MED15: variants seen among roughly 807,000 people sequenced by gnomAD.
MED15 encodes mediator of RNA polymerase II transcription subunit 15.
MED15 carries 41 observed loss-of-function variants against 118.7 expected under a neutral mutation model. The ratio of observed to expected loss-of-function variants is 0.35; its 90% confidence interval spans 0.27 to 0.45. The LOEUF is 0.45. Among genes scored for constraint, MED15 ranks in the 20% least tolerant of loss-of-function variants. The pLI is 1.00. For missense variants in MED15, 740 were observed against 1,025.5 expected, an observed-to-expected ratio of 0.72 and a Z score of 3.80; for synonymous variants, 436 against 413.9, an observed-to-expected ratio of 1.05 and a Z score of -0.65.
At chr22:20,509,570 A>G (rs2053992444) in intron 1 of MED15, among the ~76,000 whole-genome samples, 1 of 148,926 alleles carries the variant, frequency 6.7e-6, no homozygotes, top group African/African-American at 2.5e-5. Context: ...CTTGATGACT[A>G]ACTGGATGGA....
chr22:20,568,445 A>T (rs1238265820), intron 7 of MED15, 76 bp from the exon 8 acceptor site: 2 of 1,557,794 alleles, frequency 1.3e-6, no homozygotes, highest in East Asian at 2.4e-5. Context: ...TCCATTTCCT[A>T]AGCTTCCACA....
intron 6 of MED15, among the ~76,000 whole-genome samples, chr22:20,565,531 A>G (rs901072491): frequency 2.0e-5 from 3 of 152,216 alleles, no homozygotes; most frequent in East Asian, 3.8e-4. Flanking sequence ...CGTGTTAAAC[A>G]TCTGCCCTCA....
chr22:20,558,559 C>T (rs2056107402), intron 5 of MED15, among the ~76,000 whole-genome samples: 2 of 152,170 alleles, frequency 1.3e-5, no homozygotes, highest in Non-Finnish European at 2.9e-5. Context: ...ATTTCTACTG[C>T]CAGTTGTGTG....
intron 1 of MED15, among the ~76,000 whole-genome samples, chr22:20,510,926 G>A (rs578068602): frequency 1.3e-5 from 2 of 152,194 alleles, no homozygotes; most frequent in South Asian, 2.1e-4. Context: ...TACCACAGCC[G>A]GGAAGAGCAG....
chr22:20,508,982 G>C (rs753634715), intron 1 of MED15, among the ~76,000 whole-genome samples: 2 of 152,144 alleles, frequency 1.3e-5, no homozygotes, highest in Non-Finnish European at 2.9e-5. Flanking sequence ...GCGAAGCGGC[G>C]GTTAACTTGA....
intron 1 of MED15, among the ~76,000 whole-genome samples, chr22:20,526,027 C>T (rs2054633560): frequency 6.6e-6 from 1 of 151,352 alleles, no homozygotes; most frequent in South Asian, 2.1e-4. Flanking sequence ...CTCAAGAAAT[C>T]CTCCCACCTC....
At chr22:20,528,005 C>T (rs181174892) in intron 1 of MED15, among the ~76,000 whole-genome samples, 12 of 152,010 alleles carry the variant, frequency 7.9e-5, no homozygotes, top group African/African-American at 1.7e-4. Context: ...GTCATCCTCT[C>T]GCCTCAGCCT....
At chr22:20,511,969 G>C (rs1456274830) in intron 1 of MED15, among the ~76,000 whole-genome samples, 3 of 127,016 alleles carry the variant, frequency 2.4e-5, no homozygotes, top group Non-Finnish European at 4.7e-5. Flanking sequence ...TGGTCTTTCA[G>C]CTTCTTGAAC....
chr22:20,583,038 G>T, intron 11 of MED15, 71 bp downstream of exon 11: 2 of 1,569,880 alleles, frequency 1.3e-6, no homozygotes, highest in Non-Finnish European at 1.7e-6. Context: ...GGGTGTGCGA[G>T]CTCTGGGGCC....
chr22:20,557,485 A>T (rs1190225508), intron 5 of MED15, among the ~76,000 whole-genome samples: 1 of 152,110 alleles, frequency 6.6e-6, no homozygotes, highest in African/African-American at 2.4e-5. Flanking sequence ...AGCACATCAG[A>T]TAAGTACACC....
intron 9 of MED15, among the ~76,000 whole-genome samples, chr22:20,581,116 T>C (rs2056967330): frequency 6.6e-6 from 1 of 152,192 alleles, no homozygotes; most frequent in South Asian, 2.1e-4. Flanking sequence ...CTCTGTGCCT[T>C]AGCCCCCCAC....
At chr22:20,534,233 C>G (rs2054970448) in intron 1 of MED15, among the ~76,000 whole-genome samples, 1 of 152,104 alleles carries the variant, frequency 6.6e-6, no homozygotes, top group African/African-American at 2.4e-5. Flanking sequence ...CCTGCTGTTT[C>G]TACTGCTCTT....
chr22:20,549,990 T>G (rs2055705992), intron 2 of MED15, among the ~76,000 whole-genome samples: 1 of 152,224 alleles, frequency 6.6e-6, no homozygotes, highest in Non-Finnish European at 1.5e-5. Context: ...TCCCCTTGTT[T>G]TACCTTTTAT....
In MED15 at chr22:20,570,746, C is replaced by CTTTCTTTTTTTTTTTTTTT. The variant is rs1569236484; in HGVS notation, c.1152+2118_1152+2119insCTTTTTTTTTTTTTTTTTT. Among the ~76,000 whole-genome samples the CTTTCTTTTTTTTTTTTTTT allele has an allele frequency of 8.1e-5, 5 of 62,068 alleles. No homozygotes were observed. In the East Asian group the frequency reaches 1.6e-3, roughly 20 times the overall value. The allele number at this position is 62,068 out of a possible 152,430, so 40.7% of individuals were successfully genotyped here. ...TTTTCTTTTCTTTCTTTCTTTCTTT[C>CTTTCTTTTTTTTTTTTTTT]TTTTTTTTTTTTTTTTTTTTTTTTT... On this transcript the variant is annotated intron_variant, in intron 8 of 17. Transcript: ENST00000263205.
intron 17 of MED15, among the ~76,000 whole-genome samples, 200 bp downstream of exon 17, chr22:20,586,026 G>A (rs149085009): frequency 6.6e-6 from 1 of 152,328 alleles, no homozygotes; most frequent in African/African-American, 2.4e-5. Flanking sequence ...AAGGGTCTCT[G>A]CTCCCACTGT....
Position 20,585,947 on chromosome 22 carries a change from C to T in MED15, c.2230+121C>T, listed in dbSNP as rs369182697. On this transcript the variant is annotated intron_variant, in intron 17 of 17. Coordinates refer to ENST00000263205, the MANE Select transcript of MED15 (RefSeq NM_001003891.3). Reference sequence around the variant, plus strand: ...GCTCCTGCCCCTCCCCAGCTCAGGCCCCTCCCTCCCCTCTTCTGGCTCCTC... The same window carrying T: ...GCTCCTGCCCCTCCCCAGCTCAGGCTCCTCCCTCCCCTCTTCTGGCTCCTC... The T allele has an allele frequency of 1.2e-4, 105 of 855,378 alleles. No homozygotes were observed. In the African/African-American group the frequency reaches 1.5e-3, roughly 12 times the overall value. 53.0% of individuals were successfully genotyped at this position (855,378 alleles called of 1,614,324 possible).
chr22:20,549,370 T>G (rs2055682036), intron 2 of MED15, among the ~76,000 whole-genome samples: 1 of 152,130 alleles, frequency 6.6e-6, no homozygotes, highest in Non-Finnish European at 1.5e-5. Context: ...GATAGGGAGT[T>G]TCCTGACTCT....
chr22:20,576,622 C>T (rs1262075620), intron 9 of MED15, among the ~76,000 whole-genome samples: 7 of 152,208 alleles, frequency 4.6e-5, no homozygotes, highest in Non-Finnish European at 8.8e-5. Context: ...TGAATTACAG[C>T]GGGAGGAAGT....
intron 3 of MED15, chr22:20,552,682 C>A: frequency 6.4e-6 from 2 of 311,946 alleles, no homozygotes; most frequent in Non-Finnish European, 1.3e-5. Flanking sequence ...TCCAGCTGGC[C>A]GTGGACAGCC....
Sources: gnomAD v4.1 joint callset for allele counts (sites outside exome capture counted in the v4.1 genomes callset) on GRCh38, gnomAD v4.1.1 for gene constraint, MANE v1.5 for transcripts, NCBI Gene and HGNC (gene_info 2026-07-23, HGNC 2026-07-21) for gene names.